ENTREP2: variants seen among roughly 807,000 people sequenced by gnomAD.
ENTREP2 encodes the protein endosomal transmembrane epsin interactor 2, also known as protein ENTREP2.
At chr15:29,626,090 A>G in the ENTREP2 span, among the ~76,000 whole-genome samples, 1 of 152,150 alleles carries the variant, frequency 6.6e-6, no homozygotes, top group Non-Finnish European at 1.5e-5. Context: ...TATATGATCA[A>G]CCCACCTCGG....
At chr15:29,126,398 G>A in the ENTREP2 span, 2 of 1,547,982 alleles carry the variant, frequency 1.3e-6, no homozygotes, top group Non-Finnish European at 8.7e-7. Context: ...AGGTTCGGAG[G>A]GTGCTGGGGC....
chr15:29,433,693 G>T, the ENTREP2 span, among the ~76,000 whole-genome samples: 494 of 151,966 alleles, frequency 3.3e-3, 2 homozygotes, highest in Non-Finnish European at 5.1e-3. Context: ...CCCAGTAGGG[G>T]AAGCCTCCCC....
chr15:29,525,627 G>C, the ENTREP2 span, among the ~76,000 whole-genome samples: 1 of 152,142 alleles, frequency 6.6e-6, no homozygotes, highest in Non-Finnish European at 1.5e-5. Context: ...GAGTGAAAAA[G>C]GCCAGTCTCA....
chr15:29,566,160 T>C, the ENTREP2 span, among the ~76,000 whole-genome samples: 1 of 151,652 alleles, frequency 6.6e-6, no homozygotes, highest in Non-Finnish European at 1.5e-5. Context: ...TTTTTGTTTG[T>C]TTGTTTGTTT....
the ENTREP2 span, among the ~76,000 whole-genome samples, chr15:29,131,779 G>T: frequency 6.9e-6 from 1 of 144,980 alleles, no homozygotes; most frequent in Non-Finnish European, 1.5e-5. Flanking sequence ...ACATCCTCTG[G>T]AGGGCCACCG....
the ENTREP2 span, among the ~76,000 whole-genome samples, chr15:29,212,578 G>T: frequency 7.2e-5 from 11 of 152,014 alleles, no homozygotes; most frequent in Admixed American, 7.2e-4. Flanking sequence ...TGTGACCCTA[G>T]AGTGTCAGTT....
the ENTREP2 span, among the ~76,000 whole-genome samples, chr15:29,238,355 A>G: frequency 2.0e-5 from 3 of 152,190 alleles, no homozygotes; most frequent in Admixed American, 1.3e-4. Context: ...GTCTGGAGCT[A>G]GGCGCGGTAG....
the ENTREP2 span, among the ~76,000 whole-genome samples, chr15:29,135,234 A>G: frequency 1.2e-3 from 178 of 151,756 alleles, 3 homozygotes; most frequent in African/African-American, 4.2e-3. This position sits in a 1 kb window ranked among gnomAD's most constrained non-coding sequence, Gnocchi z 7.4. Flanking sequence ...CTCCTTGGCC[A>G]CCTGTCACGG....
chr15:29,327,103 A>G, the ENTREP2 span, among the ~76,000 whole-genome samples: 1 of 152,238 alleles, frequency 6.6e-6, no homozygotes, highest in Non-Finnish European at 1.5e-5. Context: ...ATGCAGAACT[A>G]TAAAAGTTCT....
the ENTREP2 span, among the ~76,000 whole-genome samples, chr15:29,429,211 A>C: frequency 6.6e-6 from 1 of 151,600 alleles, no homozygotes; most frequent in Non-Finnish European, 1.5e-5. Context: ...CCATCCATCC[A>C]TCCATCCATC....
At chr15:29,219,663 A>ATATG in the ENTREP2 span, among the ~76,000 whole-genome samples, 1 of 121,272 alleles carries the variant, frequency 8.2e-6, no homozygotes, top group African/African-American at 3.0e-5. Flanking sequence ...ATATATATAT[A>ATATG]TGATGGAATA....
the ENTREP2 span, among the ~76,000 whole-genome samples, chr15:29,440,491 G>A: frequency 2.8e-4 from 42 of 152,250 alleles, no homozygotes; most frequent in Admixed American, 6.5e-4. Flanking sequence ...ACCCTCACTC[G>A]TTTCCAACAT....
the ENTREP2 span, among the ~76,000 whole-genome samples, chr15:29,220,814 GA>G: frequency 7.6e-3 from 1,104 of 144,564 alleles, 15 homozygotes; most frequent in African/African-American, 0.023. Context: ...ACCTTTTAGG[GA>G]AAAAAAAAAA....
the ENTREP2 span, chr15:29,122,709 G>C: frequency 6.6e-6 from 1 of 152,252 alleles, no homozygotes; most frequent in South Asian, 2.1e-4. Flanking sequence ...TCCCTGGGGG[G>C]GGCCGGGCTA....
chr15:29,178,923 A>G, the ENTREP2 span, among the ~76,000 whole-genome samples: 2 of 152,224 alleles, frequency 1.3e-5, no homozygotes. Context: ...GAGACTTCCT[A>G]TCTTGTGTCT....
chr15:29,561,509 A>G, the ENTREP2 span, among the ~76,000 whole-genome samples: 1 of 152,006 alleles, frequency 6.6e-6, no homozygotes, highest in Non-Finnish European at 1.5e-5. Context: ...AACACGGTGA[A>G]ACCCCATCTC....
chr15:29,437,906 G>A, the ENTREP2 span, among the ~76,000 whole-genome samples: 8 of 152,220 alleles, frequency 5.3e-5, no homozygotes, highest in Admixed American at 2.0e-4. Flanking sequence ...CAACCTGACC[G>A]TGGTATTCAG....
At chr15:29,123,640 G>C in the ENTREP2 span, 4 of 1,549,348 alleles carry the variant, frequency 2.6e-6, no homozygotes, top group Admixed American at 7.9e-5. Flanking sequence ...AGCCGTGGCA[G>C]AGCGAGACAT....
the ENTREP2 span, among the ~76,000 whole-genome samples, chr15:29,647,915 T>C: frequency 7.9e-5 from 12 of 152,158 alleles, no homozygotes; most frequent in African/African-American, 7.2e-5. Flanking sequence ...TGGACACTCA[T>C]AGGATTTGGG....
Sources: gnomAD v4.1 joint callset for allele counts (sites outside exome capture counted in the v4.1 genomes callset) on GRCh38, gnomAD v4.1.1 for gene constraint, Gnocchi (gnomAD v3.1) non-coding constraint, MANE v1.5 for transcripts, NCBI Gene and HGNC (gene_info 2026-07-23, HGNC 2026-07-21) for gene names.